Variants in NCOR2 observed in about 807,000 individuals in gnomAD.
NCOR2 encodes the protein nuclear receptor corepressor 2.
In NCOR2, 81 loss-of-function variants were observed where a neutral mutation model predicts 262.9. That is an observed-to-expected ratio of 0.31 (90% confidence interval 0.26 to 0.37). The LOEUF (loss-of-function observed/expected upper bound fraction) is 0.37. Ranked by LOEUF, NCOR2 falls within the 10% of genes least tolerant of loss-of-function variation. The pLI is 1.00. For missense variants in NCOR2, 3,385 were observed against 3,621.4 expected (o/e 0.93, Z 1.68); for synonymous variants, 1,659 against 1,559.3 (o/e 1.06, Z -1.51).
intron 45 of NCOR2, among the ~76,000 whole-genome samples, 188 bp downstream of exon 47, chr12:124,327,221 A>G (rs2034747500): frequency 6.6e-6 from 1 of 151,954 alleles, no homozygotes; most frequent in Admixed American, 6.5e-5. Context: ...GGCAGAGGGT[A>G]CAGACACTTG....
intron 8 of NCOR2, among the ~76,000 whole-genome samples, chr12:124,433,733 T>C (rs1030567958): frequency 2.0e-5 from 3 of 152,010 alleles, no homozygotes; most frequent in Non-Finnish European, 2.9e-5. Flanking sequence ...AGCTCCGGCC[T>C]GGCCTGGGTA....
intron 3 of NCOR2, among the ~76,000 whole-genome samples, chr12:124,477,245 GGTGA>G (rs1030366911): frequency 1.7e-4 from 26 of 152,280 alleles, no homozygotes; most frequent in African/African-American, 6.0e-4. Context: ...TTCTCATGAT[GGTGA>G]GTGAGTTCTC....
At chr12:124,359,888 T>C (rs1408127988) in intron 22 of NCOR2, among the ~76,000 whole-genome samples, 3 of 152,180 alleles carry the variant, frequency 2.0e-5, no homozygotes, top group Non-Finnish European at 4.4e-5. Context: ...GGTGTCAAGT[T>C]CATGTGTGTC....
At chr12:124,354,193 G>A (rs2037749699) in exon 27 of NCOR2, 1 of 1,595,512 alleles carries the variant, frequency 6.3e-7, no homozygotes, top group East Asian at 2.3e-5. Flanking sequence ...GCCCAGAGCT[G>A]TCCCTGGAAG....
At chr12:124,505,166 C>CT (rs752089169) in intron 1 of NCOR2, among the ~76,000 whole-genome samples, 1 of 152,182 alleles carries the variant, frequency 6.6e-6, no homozygotes, top group Non-Finnish European at 1.5e-5. Context: ...ACTCAGCTAC[C>CT]TTTGTTTACA....
At position 124,350,653 on chromosome 12, in the gene NCOR2, C is replaced by T. The variant is rs1342777206; in HGVS notation, c.3778G>A (p.Glu1260Lys). ...ACGTGGCCCTTGGGCAGGCTGTCCT[C>T]CCGGCCGCGGTCCAAGCGACTCGGG... Residue 1260 changes from glutamate to lysine, a missense_variant, in exon 28 of 47, where the codon GAG (glutamate) becomes AAG (lysine). Coordinates refer to ENST00000405201, the Ensembl canonical transcript of NCOR2. 1.9e-6 allele frequency: 3 copies of T among 1,613,838 alleles called. No homozygotes were observed. The highest frequency in any genetic ancestry group is 2.5e-6 in the Non-Finnish European group (3 of 1,180,042).
chr12:124,387,785 C>T (rs2040928218), intron 16 of NCOR2, among the ~76,000 whole-genome samples: 1 of 152,250 alleles, frequency 6.6e-6, no homozygotes, highest in South Asian at 2.1e-4. Context: ...TTATATTTCC[C>T]CAGCCGGGGC....
chr12:124,561,190 C>A (rs745480025), intron 1 of NCOR2, among the ~76,000 whole-genome samples: 2 of 152,214 alleles, frequency 1.3e-5, no homozygotes, highest in Non-Finnish European at 2.9e-5. Flanking sequence ...GGAGCTGTCT[C>A]CTGCTCCAGG....
At chr12:124,411,273 CAGAG>C (rs746631858) in intron 13 of NCOR2, among the ~76,000 whole-genome samples, 15 of 151,132 alleles carry the variant, frequency 9.9e-5, no homozygotes, top group South Asian at 6.2e-4. Flanking sequence ...CATACACACA[CAGAG>C]AGAGAGAGAG....
At chr12:124,490,874 G>A (rs533711547) in intron 1 of NCOR2, among the ~76,000 whole-genome samples, 1 of 152,388 alleles carries the variant, frequency 6.6e-6, no homozygotes, top group Non-Finnish European at 1.5e-5. Context: ...AACCAACTCT[G>A]TCTGACCCTG....
At chr12:124,357,822 G>A (rs1368630282) in intron 22 of NCOR2, among the ~76,000 whole-genome samples, 11 of 105,716 alleles carry the variant, frequency 1.0e-4, no homozygotes, top group African/African-American at 3.8e-4. Flanking sequence ...GCACGCGCGT[G>A]CACGTGTATG....
At chr12:124,470,936 C>A (rs564406658) in intron 4 of NCOR2, among the ~76,000 whole-genome samples, 8 of 152,362 alleles carry the variant, frequency 5.3e-5, no homozygotes, top group South Asian at 2.1e-4. Context: ...GCCAGTGACC[C>A]GCAGCTTCAG....
intron 1 of NCOR2, among the ~76,000 whole-genome samples, chr12:124,558,517 G>T (rs930241961): frequency 6.6e-6 from 1 of 152,234 alleles, no homozygotes; most frequent in Non-Finnish European, 1.5e-5. Flanking sequence ...CAGCCAGAGA[G>T]CAGGCAGGAG....
At chr12:124,435,178 T>G (rs78983645) in intron 8 of NCOR2, among the ~76,000 whole-genome samples, 3,723 of 152,188 alleles carry the variant, frequency 0.024, 60 homozygotes, top group African/African-American at 0.047. Flanking sequence ...TTCTGGTCAT[T>G]CCCACCTCAG....
At chr12:124,434,635 G>A (rs1280222862) in intron 8 of NCOR2, among the ~76,000 whole-genome samples, 1 of 152,148 alleles carries the variant, frequency 6.6e-6, no homozygotes, top group Non-Finnish European at 1.5e-5. Context: ...CTGCCCTCCC[G>A]AGAGGAGCCT....
intron 1 of NCOR2, among the ~76,000 whole-genome samples, chr12:124,509,314 G>A (rs553601970): frequency 6.7e-6 from 1 of 150,132 alleles, no homozygotes; most frequent in South Asian, 2.1e-4. Flanking sequence ...TGGAATATTG[G>A]GAACAAGAAG....
chr12:124,363,854 T>TG (rs1049455018), intron 20 of NCOR2, 55 bp from the exon 23 acceptor site: 1,979 of 1,279,312 alleles, frequency 1.5e-3, no homozygotes, highest in Non-Finnish European at 1.8e-3. Flanking sequence ...TCTCCCAGGG[T>TG]GGGGGGGCTG....
intron 13 of NCOR2, among the ~76,000 whole-genome samples, chr12:124,418,675 T>C (rs968697917): frequency 2.6e-4 from 40 of 151,364 alleles, no homozygotes; most frequent in Non-Finnish European, 5.7e-4. Flanking sequence ...AAGTGGGCTT[T>C]AGGCCTCAGG....
At chr12:124,325,383 C>G (rs1207701405) in exon 47 of NCOR2, 5 of 440,006 alleles carry the variant, frequency 1.1e-5, no homozygotes, top group Non-Finnish European at 1.1e-5. Context: ...CACCGCCCCC[C>G]CCCCCGCCCT....
Sources: allele counts gnomAD v4.1 joint callset (sites outside exome capture counted in the v4.1 genomes callset), GRCh38; gene constraint gnomAD v4.1.1; transcripts MANE v1.5; gene names NCBI Gene and HGNC (gene_info 2026-07-23, HGNC 2026-07-21).